CRTAM: variants seen among roughly 807,000 people sequenced by gnomAD.
CRTAM encodes the protein cytotoxic and regulatory T-cell molecule.
Under a neutral mutation model 50.0 loss-of-function variants are expected in CRTAM, and 44 were observed. The ratio of observed to expected loss-of-function variants is 0.88; its 90% CI spans 0.69 to 1.13. CRTAM has a LOEUF of 1.13. Ranked by LOEUF, CRTAM falls within the 50% of genes most tolerant of loss-of-function variation. The pLI is 0.00. For missense variants in CRTAM, 448 were observed against 457.5 expected (o/e 0.98, Z 0.19); for synonymous variants, 159 against 169.3 (o/e 0.94, Z 0.47).
chr11:122,861,412 ATATATATATTTTTTTTTTT>A (rs560385783), intron 5 of CRTAM, among the ~76,000 whole-genome samples: 37 of 24,216 alleles, frequency 1.5e-3, no homozygotes, highest in African/African-American at 6.1e-3. Context: ...ATATATATAT[ATATATATATTTTTTTTTTT>A]TTTTTTTTTT....
chr11:122,846,543 C>T (rs1861865982), intron 1 of CRTAM, among the ~76,000 whole-genome samples: 1 of 152,102 alleles, frequency 6.6e-6, no homozygotes, highest in South Asian at 2.1e-4. Context: ...CTCACTTCGG[C>T]CTCCCAAAGT....
Position 122,845,454 on chromosome 11 carries a change from A to G in CRTAM, c.47-4614A>G, listed in dbSNP as rs367719609. 6.6e-5 allele frequency among the ~76,000 whole-genome samples: 10 copies of G among 152,174 alleles called. 1 individual carries two copies. The East Asian group carries it at 1.9e-3, about 29-fold the overall frequency. ...CAGGGCACGGTGGCTCATGCCTGTAATCCCAGCACTTTGGGAGGCAGAGGT... is the reference window on the plus strand; with the variant it reads ...CAGGGCACGGTGGCTCATGCCTGTAGTCCCAGCACTTTGGGAGGCAGAGGT... On this transcript the variant is annotated intron_variant, in intron 1 of 9. Transcript: ENST00000227348.
At position 122,838,514 on chromosome 11, in the gene CRTAM, G is replaced by T. The variant is rs373784790; in HGVS notation, c.-33G>T. ...CCATTTGTCTCAGAATCTAGAGGAA[G>T]TTGACAAAGGTGCCACAGCAGCACA... On this transcript the variant is annotated 5_prime_UTR_variant, in exon 1 of 10. Coordinates refer to ENST00000227348, the MANE Select transcript of CRTAM (RefSeq NM_019604.4). 6.8e-6 allele frequency: 11 copies of T among 1,611,052 alleles called. No individual in the cohort carries two copies. Among genetic ancestry groups the T allele is most frequent in the Non-Finnish European group, 8.5e-6 (10 of 1,178,442 alleles).
At position 122,867,704 on chromosome 11, in the gene CRTAM, A is replaced by G. The variant is rs1862197779; in HGVS notation, c.964+149A>G. On this transcript the variant is annotated intron_variant, in intron 8 of 9. Transcript: ENST00000227348. ...TCAGATAAGCAATTGTTTGTTTTCT[A>G]GTAAACTCGGGTGTGAATCTCCAGG... 4.9e-6 allele frequency: 4 copies of G among 823,496 alleles called. No homozygotes were observed. In the Admixed American group the frequency reaches 1.2e-4, roughly 24 times the overall value. 51.0% of individuals were successfully genotyped at this position (823,496 alleles called of 1,614,324 possible). A position where few individuals can be genotyped will look rare whatever the true frequency, so the allele number is the denominator to read the frequency against.
At chr11:122,861,020 C>T (rs886795973) in intron 5 of CRTAM, among the ~76,000 whole-genome samples, 3 of 152,084 alleles carry the variant, frequency 2.0e-5, no homozygotes, top group South Asian at 2.1e-4. Context: ...AAAATTTATT[C>T]CCAGTACTTC....
Position 122,855,702 on chromosome 11 carries a change from G to T in CRTAM, c.498G>T (p.Thr166=), listed in dbSNP as rs754609074. 1 of 1,613,938 alleles carries T rather than the reference G, an allele frequency of 6.2e-7. No homozygotes were observed. The highest frequency in any genetic ancestry group is 8.5e-7 in the Non-Finnish European group (1 of 1,179,874). The change falls in exon 5 of 10, where the codon ACG becomes ACT. Residue 166 remains threonine (T), a synonymous_variant. Coordinates refer to ENST00000227348, the MANE Select transcript of CRTAM (RefSeq NM_019604.4). ...CTTCAAATTGCTACATAGGTGGAACGCTCCATGAATTTGAAACTGATGGGA... is the reference window on the plus strand; with the variant it reads ...CTTCAAATTGCTACATAGGTGGAACTCTCCATGAATTTGAAACTGATGGGA... ...LGNSMEVSGG[T]LHEFETDGKK...
Position 122,867,526 on chromosome 11 carries a change from T to C in CRTAM, c.935T>C (p.Leu312Pro). 6.2e-7 allele frequency: 1 copy of C among 1,614,080 alleles called. No homozygotes were observed. The highest frequency in any genetic ancestry group is 8.5e-7 in the Non-Finnish European group (1 of 1,179,980). The change falls in exon 8 of 10, where the codon CTG (leucine) becomes CCG (proline). Residue 312 changes from leucine (L) to proline (P), a missense_variant. Leu to Pro is a moderately conservative substitution (Grantham distance 98). Transcript: ENST00000227348. ...ATAGTCCAGCTCTTCATCATGAAGC[T>C]GAGGAAAGCACATGTGATATGGAAG... is the stretch of plus-strand genomic sequence containing the variant. ...FIIVQLFIMK[L>P]RKAHVIWKKE...
intron 7 of CRTAM, among the ~76,000 whole-genome samples, chr11:122,866,931 A>G (rs1039357945): frequency 1.3e-5 from 2 of 152,148 alleles, no homozygotes; most frequent in African/African-American, 4.8e-5. Flanking sequence ...TCACAAGCTC[A>G]TCTGATTTAG....
chr11:122,868,207 TG>T, intron 9 of CRTAM, 108 bp downstream of exon 9: 1 of 599,680 alleles, frequency 1.7e-6, no homozygotes, highest in South Asian at 2.2e-5. Flanking sequence ...TGTGTGTGTG[TG>T]TGTGTGTGTG....
At chr11:122,864,540 C>A in intron 6 of CRTAM, 96 bp from the exon 7 acceptor site, 1 of 785,350 alleles carries the variant, frequency 1.3e-6, no homozygotes, top group Admixed American at 2.6e-5. Flanking sequence ...ATTTGGCTTC[C>A]CAAGCTGCTC....
chr11:122,845,284 G>A (rs1861849877), intron 1 of CRTAM, among the ~76,000 whole-genome samples: 1 of 152,206 alleles, frequency 6.6e-6, no homozygotes, highest in Admixed American at 6.5e-5. Context: ...GCATTGGTTT[G>A]AGCAATGTGA....
intron 5 of CRTAM, among the ~76,000 whole-genome samples, chr11:122,860,050 G>A (rs1862052550): frequency 6.6e-6 from 1 of 152,086 alleles, no homozygotes; most frequent in African/African-American, 2.4e-5. Context: ...CAAATGAGGA[G>A]CTATTTTATT....
chr11:122,839,222 G>A (rs973877971), intron 1 of CRTAM, among the ~76,000 whole-genome samples: 13 of 152,136 alleles, frequency 8.5e-5, no homozygotes, highest in African/African-American at 2.9e-4. Context: ...GTAAGCCACC[G>A]CGCCCGGCCT....
chr11:122,859,866 T>C (rs1001235330), intron 5 of CRTAM, among the ~76,000 whole-genome samples: 1 of 152,212 alleles, frequency 6.6e-6, no homozygotes, highest in African/African-American at 2.4e-5. Flanking sequence ...ATTTGGAAAA[T>C]ACTGATTCAC....
intron 5 of CRTAM, among the ~76,000 whole-genome samples, chr11:122,858,321 C>T (rs892317547): frequency 1.3e-5 from 2 of 152,112 alleles, no homozygotes; most frequent in Admixed American, 6.5e-5. Context: ...GCCTCCCAGG[C>T]TCAAGTTGAT....
chr11:122,854,798 G>C (rs971412765), intron 4 of CRTAM, among the ~76,000 whole-genome samples: 2 of 151,954 alleles, frequency 1.3e-5, no homozygotes, highest in African/African-American at 4.8e-5. Context: ...ACTATATTGT[G>C]TCATACCCAC....
chr11:122,862,003 C>T (rs1004222085), intron 5 of CRTAM, among the ~76,000 whole-genome samples: 11 of 150,644 alleles, frequency 7.3e-5, no homozygotes, highest in African/African-American at 2.4e-4. Context: ...TCAGTATCTC[C>T]ATTTTACAGA....
intron 5 of CRTAM, among the ~76,000 whole-genome samples, chr11:122,856,284 A>C (rs1222197734): frequency 6.6e-6 from 1 of 152,254 alleles, no homozygotes; most frequent in African/African-American, 2.4e-5. Context: ...TGAAGACATA[A>C]TTCCTGTTTA....
At chr11:122,853,766 C>T (rs1230195507) in intron 3 of CRTAM, among the ~76,000 whole-genome samples, 177 bp from the exon 4 acceptor site, 2 of 151,278 alleles carry the variant, frequency 1.3e-5, no homozygotes, top group Admixed American at 6.6e-5. Context: ...TTCAGTGAGG[C>T]GAAATCGTGC....
Sources: gnomAD v4.1 joint callset for allele counts (sites outside exome capture counted in the v4.1 genomes callset) on GRCh38, gnomAD v4.1.1 for gene constraint, MANE v1.5 for transcripts, NCBI Gene and HGNC (gene_info 2026-07-23, HGNC 2026-07-21) for gene names.